INSRR: variants seen among roughly 807,000 people sequenced by gnomAD.
INSRR encodes the protein insulin receptor-related protein.
A neutral mutation model predicts 130.0 loss-of-function variants in INSRR; 114 were observed. The observed-to-expected ratio is 0.88, with a 90% confidence interval of 0.75 to 1.02. INSRR has a LOEUF of 1.02. Among genes scored for constraint, INSRR ranks in the 50% least tolerant of loss-of-function variants. The pLI, the probability that INSRR is intolerant of heterozygous loss-of-function variation, is 0.00. For missense variants in INSRR, 1,657 were observed against 1,735.2 expected, an observed-to-expected ratio of 0.95 and a Z score of 0.80; for synonymous variants, 674 against 705.2, an observed-to-expected ratio of 0.96 and a Z score of 0.70.
At chr1:156,842,292 T>C in intron 18 of INSRR, 21 bp from the exon 19 acceptor site, 1 of 1,613,842 alleles carries the variant, frequency 6.2e-7, no homozygotes, top group Non-Finnish European at 8.5e-7. Flanking sequence ...GATTGGGGGC[T>C]GGTGAGGAAG....
At chr1:156,850,530 CATTCTTT>C (rs1558089289) in intron 5 of INSRR, among the ~76,000 whole-genome samples, 9 of 107,150 alleles carry the variant, frequency 8.4e-5, no homozygotes, top group African/African-American at 3.5e-4. Flanking sequence ...TAATTTAAAA[CATTCTTT>C]TTTTTTTTTT....
chr1:156,844,915 C>A, intron 12 of INSRR, 72 bp from the exon 13 acceptor site: 1 of 1,591,046 alleles, frequency 6.3e-7, no homozygotes, highest in South Asian at 1.1e-5. Context: ...CCAAGCTAAA[C>A]TGGGCTGAGC....
At chr1:156,843,705 C>T (rs530206113) in intron 15 of INSRR, among the ~76,000 whole-genome samples, 130 of 152,350 alleles carry the variant, frequency 8.5e-4, no homozygotes, top group Admixed American at 2.0e-3. Flanking sequence ...AAGGGGCTTC[C>T]GCCCTGTCAG....
At chr1:156,849,513 G>GGGGGGGGGGGGGGGA in intron 5 of INSRR, 53 bp from the exon 6 acceptor site, 1 of 486,122 alleles carries the variant, frequency 2.1e-6, no homozygotes, top group Non-Finnish European at 4.1e-6. Context: ...CAGGGGGTGG[G>GGGGGGGGGGGGGGGA]AAAGGGGATG....
rs908308037 is a variant in INSRR at position 156,854,760 on chromosome 1, T to C, written c.86-457A>G. 3.3e-5 allele frequency among the ~76,000 whole-genome samples: 5 copies of C among 152,142 alleles called. No homozygotes were observed. The highest frequency in any genetic ancestry group is 1.2e-4 in the African/African-American group (5 of 41,438). On this transcript the variant is annotated intron_variant, in intron 1 of 21. Transcript: ENST00000368195. This position sits in a 1 kb window ranked among gnomAD's most constrained non-coding sequence, Gnocchi z 4.2. Reference sequence around the variant, plus strand: ...TCATCTTCCCCTGGATTGACAGTCATAGCCTCCCAAACTGTCTCCCCAGTT... The same window carrying C: ...TCATCTTCCCCTGGATTGACAGTCACAGCCTCCCAAACTGTCTCCCCAGTT...
At chr1:156,858,435 G>A (rs1272329198) in intron 1 of INSRR, 102 bp downstream of exon 1, 2 of 851,606 alleles carry the variant, frequency 2.3e-6, no homozygotes, top group Non-Finnish European at 4.1e-6. Flanking sequence ...CCATGTTCCA[G>A]TGCAGAGTAA....
chr1:156,843,613 C>G, intron 15 of INSRR, 134 bp from the exon 16 acceptor site: 1 of 887,566 alleles, frequency 1.1e-6, no homozygotes, highest in South Asian at 1.4e-5. Context: ...CAGGGTGACT[C>G]CTGGGGATCC....
intron 11 of INSRR, 34 bp downstream of exon 11, chr1:156,845,338 C>G (rs753424403): frequency 1.2e-6 from 2 of 1,608,054 alleles, no homozygotes; most frequent in Non-Finnish European, 1.7e-6. Flanking sequence ...CCCCCAAAGC[C>G]ACGCCCCTCA....
Position 156,858,715 on chromosome 1 carries a change from G to T in INSRR, c.-94C>A. The T allele has an allele frequency of 9.7e-7, 1 of 1,034,376 alleles. No individual in the cohort carries two copies. Among genetic ancestry groups the T allele is most frequent in the Non-Finnish European group, 1.5e-6 (1 of 658,870 alleles). The allele number at this position is 1,034,376 out of a possible 1,614,324, so 64.1% of individuals were successfully genotyped here. A position where few individuals can be genotyped will look rare whatever the true frequency, so the allele number is the denominator to read the frequency against. ...AGCCCTAAGGGACACAGAGACCAGGGTTCAGATAGGAGAGGGAGGGCAGGG... is the reference window on the plus strand; with the variant it reads ...AGCCCTAAGGGACACAGAGACCAGGTTTCAGATAGGAGAGGGAGGGCAGGG... On this transcript the variant is annotated 5_prime_UTR_variant, in exon 1 of 22. Transcript: ENST00000368195.
chr1:156,844,945 T>C (rs966435203), intron 12 of INSRR, 102 bp from the exon 13 acceptor site: 1 of 1,562,654 alleles, frequency 6.4e-7, no homozygotes, highest in Non-Finnish European at 8.7e-7. Context: ...GGGAAAGCTT[T>C]GGGATTATGG....
Position 156,854,878 on chromosome 1 carries a change from C to G in INSRR, c.86-575G>C, listed in dbSNP as rs1444387872. On this transcript the variant is annotated intron_variant, in intron 1 of 21. Coordinates refer to ENST00000368195, the MANE Select transcript of INSRR (RefSeq NM_014215.3). The surrounding 1 kb of genome is among the most constrained non-coding windows in gnomAD (Gnocchi z 4.2). ...CACGTTTCTCCTCTGCTTATAACCC[C>G]CCGTGACTTCCATCTCTCTTGATCT... is the stretch of plus-strand genomic sequence containing the variant. Among the ~76,000 whole-genome samples the G allele has an allele frequency of 6.6e-6, 1 of 152,144 alleles. No homozygotes were observed. The highest frequency in any genetic ancestry group is 1.5e-5 in the Non-Finnish European group (1 of 68,024).
Position 156,840,607 on chromosome 1 carries a change from G to C in INSRR, c.*266C>G. ...TCTGAGTGGGGTCCCTACCTCTGAG[G>C]GCAGGACATCTCTCCCTGACCTGAT... On this transcript the variant is annotated 3_prime_UTR_variant, in exon 22 of 22. Transcript: ENST00000368195. 1 of 525,718 alleles carries C rather than the reference G, an allele frequency of 1.9e-6. No individual in the cohort carries two copies. Among genetic ancestry groups the C allele is most frequent in the Non-Finnish European group, 3.4e-6 (1 of 290,578 alleles). 32.6% of individuals were successfully genotyped at this position (525,718 alleles called of 1,614,324 possible).
chr1:156,842,115 C>T lies in INSRR; in HGVS notation c.3394G>A (p.Gly1132Arg), dbSNP rs1317721002. ...MVSQDFTVKIGDFGMTRDVYE... is the reference protein window; with the variant it reads ...MVSQDFTVKIRDFGMTRDVYE... ...ATCTGCCTGGCACCCTCTGTACCCC[C>T]GATCTTGACGGTGAAGTCCTGGGAC... Residue 1132 changes from glycine (G) to arginine (R), a missense_variant, in exon 19 of 22, where the codon GGG (glycine) becomes AGG (arginine). Transcript: ENST00000368195. The T allele has an allele frequency of 3.7e-6, 6 of 1,614,012 alleles. No individual in the cohort carries two copies. The highest frequency in any genetic ancestry group is 1.1e-5 in the South Asian group (1 of 91,034).
intron 19 of INSRR, 158 bp downstream of exon 19, chr1:156,841,954 C>A (rs1654805263): frequency 1.3e-6 from 2 of 1,547,256 alleles, no homozygotes; most frequent in Non-Finnish European, 1.8e-6. Flanking sequence ...CCATCCAAAC[C>A]CCTCTGCCCT....
chr1:156,851,620 G>T (rs1655211095), intron 4 of INSRR, 26 bp downstream of exon 4: 1 of 1,614,048 alleles, frequency 6.2e-7, no homozygotes, highest in East Asian at 2.2e-5. Flanking sequence ...CAGGAGGAGG[G>T]GTGTGGCCCC....
Position 156,854,439 on chromosome 1 carries a change from T to G in INSRR, c.86-136A>C. 1.0e-6 allele frequency: 1 copy of G among 962,652 alleles called. No individual in the cohort carries two copies. Among genetic ancestry groups the G allele is most frequent in the Non-Finnish European group, 1.5e-6 (1 of 665,134 alleles). 59.6% of individuals were successfully genotyped at this position (962,652 alleles called of 1,614,324 possible). A position where few individuals can be genotyped will look rare whatever the true frequency, so the allele number is the denominator to read the frequency against. ...GCCGGGCTCTGCTCTGGGTGTGGGG[T>G]GGCCTCCTTCCTGGGCCCCGGAGGG... On this transcript the variant is annotated intron_variant, in intron 1 of 21. Coordinates refer to ENST00000368195, the MANE Select transcript of INSRR (RefSeq NM_014215.3). This position sits in a 1 kb window ranked among gnomAD's most constrained non-coding sequence, Gnocchi z 4.2.
intron 7 of INSRR, 148 bp downstream of exon 7, chr1:156,848,773 C>T (rs1223809745): frequency 3.3e-6 from 3 of 901,898 alleles, no homozygotes; most frequent in South Asian, 1.7e-5. Flanking sequence ...AGAGCCAGAC[C>T]TGGGCCCTAC....
chr1:156,845,360 A>C lies in INSRR; in HGVS notation c.2216+12T>G. ...AGCCACGCCCCTCAGCACCTGCCCT[A>C]GTCCTGCTCACCTTTGGGGGCTCTT... On this transcript the variant is annotated intron_variant, in intron 11 of 21. Coordinates refer to ENST00000368195, the MANE Select transcript of INSRR (RefSeq NM_014215.3). The C allele has an allele frequency of 6.3e-7, 1 of 1,595,328 alleles. No individual in the cohort carries two copies. The highest frequency in any genetic ancestry group is 2.2e-5 in the East Asian group (1 of 44,622).
intron 16 of INSRR, 49 bp downstream of exon 16, chr1:156,843,378 C>G (rs1005032066): frequency 6.3e-7 from 1 of 1,599,330 alleles, no homozygotes. Context: ...CTCTGCTCCT[C>G]TCCTGTCTCC....
Sources: gnomAD v4.1 joint callset for allele counts (sites outside exome capture counted in the v4.1 genomes callset) on GRCh38, gnomAD v4.1.1 for gene constraint, Gnocchi (gnomAD v3.1) non-coding constraint, MANE v1.5 for transcripts, NCBI Gene and HGNC (gene_info 2026-07-23, HGNC 2026-07-21) for gene names.